Variants in DOCK5 observed in about 807,000 individuals in gnomAD.
The protein encoded by DOCK5 is dedicator of cytokinesis 5.
In DOCK5, 142 loss-of-function variants were observed where a neutral mutation model predicts 251.8. The observed-to-expected ratio is 0.56, with a 90% CI of 0.49 to 0.65. DOCK5 has a LOEUF of 0.65. Ranked by LOEUF, DOCK5 falls within the 30% of genes least tolerant of loss-of-function variation. The pLI is 0.00. For missense variants in DOCK5, 2,111 were observed against 2,312.3 expected (o/e 0.91, Z 1.79); for synonymous variants, 842 against 835.5 (o/e 1.01, Z -0.13).
chr8:25,410,983 GCACGCACGCA>G (rs1411654589), intron 51 of DOCK5, among the ~76,000 whole-genome samples: 13 of 119,084 alleles, frequency 1.1e-4, no homozygotes, highest in African/African-American at 1.7e-4. Context: ...GCGCGCGCGC[GCACGCACGCA>G]CGCACGCACG....
chr8:25,389,130 C>T lies in DOCK5; in HGVS notation c.4171C>T (p.Arg1391Ter), dbSNP rs1021649841. 3.7e-6 allele frequency: 6 copies of T among 1,613,796 alleles called. No individual in the cohort carries two copies. In the African/African-American group the frequency reaches 5.3e-5, roughly 14 times the overall value. ...FIYRGKEYER[R>*]EDFSLRLLTQ... The stretch of plus-strand genomic sequence containing the variant: ...CTATCGGGGAAAGGAGTATGAGAGG[C>T]GAGAGGACTTCAGCCTGAGGTTGTT... Residue 1391 changes from arginine (R) to a stop codon, truncating the protein, a stop_gained, in exon 41 of 52, where the codon CGA becomes TGA. Transcript: ENST00000276440. LOFTEE classifies it high-confidence loss of function.
At chr8:25,283,541 A>G (rs1301940606) in intron 5 of DOCK5, among the ~76,000 whole-genome samples, 1 of 152,202 alleles carries the variant, frequency 6.6e-6, no homozygotes, top group African/African-American at 2.4e-5. Context: ...GACTCCGCCA[A>G]TGGGAGCATG....
intron 1 of DOCK5, among the ~76,000 whole-genome samples, chr8:25,218,357 T>G (rs901950084): frequency 1.3e-5 from 2 of 151,946 alleles, no homozygotes; most frequent in Non-Finnish European, 2.9e-5. Context: ...GGGCCCGGGG[T>G]GGCCGCAGAG....
At chr8:25,335,655 A>C (rs1242255421) in intron 21 of DOCK5, among the ~76,000 whole-genome samples, 4 of 152,166 alleles carry the variant, frequency 2.6e-5, no homozygotes, top group Non-Finnish European at 5.9e-5. Context: ...ATAGCACAAA[A>C]TGAAGACCAT....
At chr8:25,358,915 G>A (rs1800626438) in intron 27 of DOCK5, 48 bp from the exon 28 acceptor site, 1 of 1,543,256 alleles carries the variant, frequency 6.5e-7, no homozygotes, top group Non-Finnish European at 9.0e-7. Flanking sequence ...GTTTTTGTCA[G>A]TTGGTGGTCT....
At chr8:25,317,249 A>G in intron 14 of DOCK5, 118 bp downstream of exon 14, 1 of 1,450,438 alleles carries the variant, frequency 6.9e-7, no homozygotes, top group Non-Finnish European at 9.3e-7. Context: ...TTTCCTGAGA[A>G]AAGAAATATA....
intron 14 of DOCK5, among the ~76,000 whole-genome samples, chr8:25,318,592 C>CT (rs546657586): frequency 4.9e-4 from 43 of 88,224 alleles, no homozygotes; most frequent in East Asian, 1.8e-3. Context: ...TTCTTTCCTT[C>CT]TTTTTTTTTT....
At position 25,366,916 on chromosome 8, in the gene DOCK5, A is replaced by G. The variant is rs1800786001; in HGVS notation, c.3170A>G (p.Glu1057Gly). 5.0e-6 allele frequency: 8 copies of G among 1,613,900 alleles called. No homozygotes were observed. In the East Asian group the frequency reaches 1.8e-4, roughly 36 times the overall value. ...TTGGCAGTTGCATTTCTCACCCATG[A>G]GTCCCTTCAGCTTGAAACCTTCTCA... The part of the protein sequence containing the change: ...FHLAVAFLTH[E>G]SLQLETFSQA... The change falls in exon 31 of 52, where the codon GAG (glutamate) becomes GGG (glycine). Residue 1057 changes from glutamate to glycine, a missense_variant. Physicochemically the swap from Glu to Gly is moderately conservative, Grantham distance 98. Around this residue, in one of 3 missense-constraint regions of DOCK5, gnomAD observed 1,717 missense variants for 1,892.4 expected, o/e 0.91. Coordinates refer to ENST00000276440, the MANE Select transcript of DOCK5 (RefSeq NM_024940.8).
intron 1 of DOCK5, among the ~76,000 whole-genome samples, chr8:25,200,009 A>G (rs993957031): frequency 2.6e-5 from 4 of 152,196 alleles, no homozygotes; most frequent in African/African-American, 9.7e-5. Context: ...ATTTTCTGTG[A>G]ACTTATGTGG....
At chr8:25,342,348 G>T in intron 24 of DOCK5, 53 bp from the exon 25 acceptor site, 2 of 1,384,498 alleles carry the variant, frequency 1.4e-6, no homozygotes, top group East Asian at 2.5e-5. Context: ...TTATAATGAT[G>T]CCTTCAATTT....
chr8:25,215,758 T>C (rs1267737364), intron 1 of DOCK5, among the ~76,000 whole-genome samples: 1 of 152,124 alleles, frequency 6.6e-6, no homozygotes, highest in East Asian at 1.9e-4. Context: ...GTTCTGTTTT[T>C]AATGAATATA....
chr8:25,374,632 T>C lies in DOCK5; in HGVS notation c.3794T>C (p.Leu1265Pro), dbSNP rs1348162221. Residue 1265 changes from leucine (L) to proline (P), a missense_variant, in exon 37 of 52, where the codon CTC becomes CCC. Around this residue, in one of 3 missense-constraint regions of DOCK5, gnomAD observed 1,717 missense variants for 1,892.4 expected, o/e 0.91. Coordinates refer to ENST00000276440, the MANE Select transcript of DOCK5 (RefSeq NM_024940.8). ...TACACAGAAGCTGCCTACACGCTTC[T>C]CTTGCACGCTGAGCTTCTGCAGGTG... ...ENYTEAAYTL[L>P]LHAELLQWSD... is the part of the protein sequence containing the mutation. 1.9e-6 allele frequency: 3 copies of C among 1,613,956 alleles called. No homozygotes were observed. The highest frequency in any genetic ancestry group is 2.5e-6 in the Non-Finnish European group (3 of 1,179,864).
intron 2 of DOCK5, among the ~76,000 whole-genome samples, chr8:25,245,182 A>G (rs3926622): frequency 0.09 from 13,594 of 151,866 alleles, 1,623 homozygotes; most frequent in African/African-American, 0.28. Flanking sequence ...TCAGCCTCCC[A>G]AGTAGCTGGG....
At chr8:25,315,714 C>T (rs1185765488) in intron 13 of DOCK5, among the ~76,000 whole-genome samples, 3 of 152,206 alleles carry the variant, frequency 2.0e-5, no homozygotes, top group Non-Finnish European at 4.4e-5. Flanking sequence ...AGTGGGATTG[C>T]TGTATTAAGA....
chr8:25,356,001 G>T (rs370561952), intron 27 of DOCK5, among the ~76,000 whole-genome samples: 1 of 145,916 alleles, frequency 6.9e-6, no homozygotes, highest in African/African-American at 2.5e-5. Flanking sequence ...GACCATCCTG[G>T]CCAATATGGT....
intron 1 of DOCK5, among the ~76,000 whole-genome samples, chr8:25,188,646 G>C (rs1045301881): frequency 3.3e-5 from 5 of 152,162 alleles, no homozygotes; most frequent in Admixed American, 3.3e-4. Flanking sequence ...CAGCAGTGTT[G>C]GCTCAGGCTC....
Position 25,392,805 on chromosome 8 carries a change from A to G in DOCK5, c.4450A>G (p.Ile1484Val). Reference sequence around the variant, plus strand: ...TCCTTCTTGCCACCAGACGATGTGGATTGAACGGACCACGTATACGACTGC... The same window carrying G: ...TCCTTCTTGCCACCAGACGATGTGGGTTGAACGGACCACGTATACGACTGC... Reference protein sequence around the residue: ...DPDNEFATMWIERTTYTTAYT... With the variant: ...DPDNEFATMWVERTTYTTAYT... The change falls in exon 44 of 52, where the codon ATT becomes GTT. Residue 1484 changes from isoleucine (I) to valine (V), a missense_variant. Coordinates refer to ENST00000276440, the MANE Select transcript of DOCK5 (RefSeq NM_024940.8). The G allele has an allele frequency of 6.2e-7, 1 of 1,612,972 alleles. No homozygotes were observed. Among genetic ancestry groups the G allele is most frequent in the Non-Finnish European group, 8.5e-7 (1 of 1,179,494 alleles).
At chr8:25,371,990 C>G (rs1335064314) in intron 34 of DOCK5, among the ~76,000 whole-genome samples, 1 of 152,196 alleles carries the variant, frequency 6.6e-6, no homozygotes, top group East Asian at 1.9e-4. Flanking sequence ...CAGTTTGCTT[C>G]TTTATAACTC....
At position 25,373,032 on chromosome 8, in the gene DOCK5, G is replaced by A. The variant is rs1052143413; in HGVS notation, c.3684+314G>A. Among the ~76,000 whole-genome samples, 7 of 146,546 alleles carry A rather than the reference G, an allele frequency of 4.8e-5. No homozygotes were observed. The South Asian group carries it at 8.6e-4, about 18-fold the overall frequency. On this transcript the variant is annotated intron_variant, in intron 35 of 51. Transcript: ENST00000276440. The stretch of plus-strand genomic sequence containing the variant: ...TTTTTTTTTTTTGAGACGGAGTCTC[G>A]TTCTGTTGCCGGGCTGGAGTGCAGT...
Sources: gnomAD v4.1 joint callset for allele counts (sites outside exome capture counted in the v4.1 genomes callset) on GRCh38, gnomAD v4.1.1 for gene constraint, gnomAD v4.1.1 regional missense constraint, MANE v1.5 for transcripts, NCBI Gene and HGNC (gene_info 2026-07-23, HGNC 2026-07-21) for gene names.